The following GRIN2A variants were observed in gnomAD, a reference collection of about 807,000 sequenced individuals.
GRIN2A encodes the protein glutamate receptor ionotropic, NMDA 2A.
GRIN2A carries 22 observed loss-of-function variants against 113.4 expected under a neutral mutation model. That is an observed-to-expected ratio of 0.19 (90% CI 0.14 to 0.28). GRIN2A has a LOEUF of 0.28. Ranked by LOEUF, GRIN2A falls within the 10% of genes least tolerant of loss-of-function variation. The pLI is 1.00. For synonymous variants in GRIN2A, 827 were observed against 738.4 expected, an observed-to-expected ratio of 1.12 and a Z score of -1.94; for missense variants, 1,502 against 1,887.0, an observed-to-expected ratio of 0.80 and a Z score of 3.78.
intron 2 of GRIN2A, among the ~76,000 whole-genome samples, chr16:9,954,623 G>T (rs916858327): frequency 2.6e-5 from 4 of 152,074 alleles, no homozygotes; most frequent in Admixed American, 2.6e-4. Context: ...AGACAGTCCT[G>T]GCATACAAAC....
intron 3 of GRIN2A, among the ~76,000 whole-genome samples, chr16:9,921,969 A>T (rs1422767329): frequency 6.6e-6 from 1 of 152,242 alleles, no homozygotes; most frequent in Non-Finnish European, 1.5e-5. Context: ...AGTTGAAAAT[A>T]CGTTGTTACA....
intron 4 of GRIN2A, among the ~76,000 whole-genome samples, chr16:9,855,127 C>T (rs1319467908): frequency 6.6e-6 from 1 of 152,054 alleles, no homozygotes; most frequent in Non-Finnish European, 1.5e-5. Context: ...TTACATGGCA[C>T]AGGACAAGAG....
At chr16:9,913,187 A>T (rs1404621161) in intron 3 of GRIN2A, among the ~76,000 whole-genome samples, 1 of 152,190 alleles carries the variant, frequency 6.6e-6, no homozygotes, top group African/African-American at 2.4e-5. Flanking sequence ...AGCAAAGGAG[A>T]CTAATTCTAC....
At chr16:10,021,119 A>T (rs527892069) in intron 2 of GRIN2A, among the ~76,000 whole-genome samples, 1 of 152,168 alleles carries the variant, frequency 6.6e-6, no homozygotes, top group East Asian at 1.9e-4. Flanking sequence ...AAGCAAGCCC[A>T]CAGCCTTTGG....
intron 2 of GRIN2A, among the ~76,000 whole-genome samples, chr16:10,136,430 A>T (rs990603960): frequency 6.6e-6 from 1 of 152,188 alleles, no homozygotes; most frequent in Admixed American, 6.5e-5. Flanking sequence ...CAAGAAAATC[A>T]AACTGTGTAA....
intron 10 of GRIN2A, among the ~76,000 whole-genome samples, chr16:9,804,357 A>G (rs2041924695): frequency 6.6e-6 from 1 of 152,100 alleles, no homozygotes; most frequent in Non-Finnish European, 1.5e-5. Flanking sequence ...CTGGTTCCTT[A>G]GAACCAAGAG....
At chr16:9,905,550 T>C (rs1001341407) in intron 3 of GRIN2A, among the ~76,000 whole-genome samples, 1 of 152,240 alleles carries the variant, frequency 6.6e-6, no homozygotes, top group East Asian at 1.9e-4. Flanking sequence ...CTGTCTGTTC[T>C]AAACGAACTG....
chr16:10,051,727 T>C (rs914566696), intron 2 of GRIN2A, among the ~76,000 whole-genome samples: 5 of 152,004 alleles, frequency 3.3e-5, no homozygotes, highest in African/African-American at 7.3e-5. Context: ...CCAGGAACGG[T>C]CACCAGAGCA....
intron 2 of GRIN2A, among the ~76,000 whole-genome samples, chr16:10,032,373 C>T (rs2046946092): frequency 6.6e-6 from 1 of 152,186 alleles, no homozygotes; most frequent in African/African-American, 2.4e-5. Context: ...AAATGTGGGT[C>T]TACCCACCTC....
At chr16:10,051,878 G>A (rs138195925) in intron 2 of GRIN2A, among the ~76,000 whole-genome samples, 1 of 152,322 alleles carries the variant, frequency 6.6e-6, no homozygotes, top group East Asian at 1.9e-4. Flanking sequence ...AGGGTAATGG[G>A]ATTAGGTAGG....
intron 2 of GRIN2A, among the ~76,000 whole-genome samples, chr16:9,993,745 T>C (rs2046170956): frequency 6.6e-6 from 1 of 152,140 alleles, no homozygotes; most frequent in African/African-American, 2.4e-5. Flanking sequence ...GAGAGAGAAC[T>C]CAGACTAAAA....
intron 2 of GRIN2A, among the ~76,000 whole-genome samples, chr16:10,072,007 C>G (rs1267429510): frequency 6.6e-6 from 1 of 152,192 alleles, no homozygotes; most frequent in Admixed American, 6.5e-5. Context: ...AGCCCACACT[C>G]TTGGCCACTA....
At chr16:10,125,901 G>C (rs2048924328) in intron 2 of GRIN2A, among the ~76,000 whole-genome samples, 1 of 152,062 alleles carries the variant, frequency 6.6e-6, no homozygotes, top group African/African-American at 2.4e-5. Flanking sequence ...CTCCCACTCA[G>C]AGCAGAAGGA....
intron 4 of GRIN2A, among the ~76,000 whole-genome samples, chr16:9,875,194 A>G (rs190368835): frequency 5.9e-5 from 9 of 152,070 alleles, no homozygotes; most frequent in African/African-American, 2.2e-4. Context: ...GGGGGAATCA[A>G]AGTGGTGAAT....
chr16:10,163,176 G>C (rs2049839049), intron 2 of GRIN2A, among the ~76,000 whole-genome samples: 1 of 152,186 alleles, frequency 6.6e-6, no homozygotes, highest in Admixed American at 6.5e-5. Flanking sequence ...ATGGGAGTGG[G>C]GAGTGGGCGG....
chr16:9,868,128 T>C (rs1175637768), intron 4 of GRIN2A, among the ~76,000 whole-genome samples: 2 of 152,198 alleles, frequency 1.3e-5, no homozygotes, highest in Non-Finnish European at 2.9e-5. Flanking sequence ...CATTTTTTAC[T>C]GCTTTCCTAA....
chr16:9,872,215 G>T (rs1486141933), intron 4 of GRIN2A, among the ~76,000 whole-genome samples: 1 of 152,132 alleles, frequency 6.6e-6, no homozygotes, highest in African/African-American at 2.4e-5. Context: ...GAATTAGCGG[G>T]AGTCTCACAA....
intron 2 of GRIN2A, among the ~76,000 whole-genome samples, chr16:10,049,305 G>A (rs2047313556): frequency 6.6e-6 from 1 of 151,996 alleles, no homozygotes; most frequent in African/African-American, 2.4e-5. Context: ...ACTGTGCTAA[G>A]CATTTTAGAC....
intron 3 of GRIN2A, among the ~76,000 whole-genome samples, chr16:9,929,281 T>C (rs2044535804): frequency 6.6e-6 from 1 of 152,166 alleles, no homozygotes; most frequent in South Asian, 2.1e-4. Flanking sequence ...GATTTCCACT[T>C]GGATATCTCA....
Sources: gnomAD v4.1 joint callset for allele counts (sites outside exome capture counted in the v4.1 genomes callset) on GRCh38, gnomAD v4.1.1 for gene constraint, MANE v1.5 for transcripts, NCBI Gene and HGNC (gene_info 2026-07-23, HGNC 2026-07-21) for gene names.